ZFPM1: variants seen among roughly 807,000 people sequenced by gnomAD.
ZFPM1 encodes zinc finger protein ZFPM1.
Under a neutral mutation model 46.3 loss-of-function variants are expected in ZFPM1, and 28 were observed. That is an observed-to-expected ratio of 0.60 (90% confidence interval 0.45 to 0.83). The LOEUF (loss-of-function observed/expected upper bound fraction) is 0.83, where lower values mean the gene tolerates loss of function less well. ZFPM1 is among the 40% of genes least tolerant of loss of function. ZFPM1 has a pLI of 0.00. For missense variants in ZFPM1, 1,878 were observed against 1,432.4 expected, an observed-to-expected ratio of 1.31 and a Z score of -5.02; for synonymous variants, 957 against 675.9, an observed-to-expected ratio of 1.42 and a Z score of -6.45.
At chr16:88,461,234 C>CGGGAGGCCTGGTGAGGACCG (rs1907868002) in intron 1 of ZFPM1, among the ~76,000 whole-genome samples, 2 of 42,770 alleles carry the variant, frequency 4.7e-5, no homozygotes, top group Non-Finnish European at 8.3e-5. Flanking sequence ...GGTGAGGACC[C>CGGGAGGCCTGGTGAGGACCG]AGGGGTGGGG....
At chr16:88,501,097 TGCTGGTG>T in intron 3 of ZFPM1, among the ~76,000 whole-genome samples, 2 of 146,608 alleles carry the variant, frequency 1.4e-5, no homozygotes, top group Non-Finnish European at 3.0e-5. Flanking sequence ...CTCCCGCAGG[TGCTGGTG>T]ATGATGGAGA....
rs531280872 is a variant in ZFPM1 at position 88,500,897 on chromosome 16, G to A, written c.268+11744G>A. 1.1e-4 allele frequency among the ~76,000 whole-genome samples: 16 copies of A among 152,366 alleles called. No individual in the cohort carries two copies. The South Asian group carries it at 2.5e-3, about 24-fold the overall frequency. On this transcript the variant is annotated intron_variant, in intron 3 of 9. Coordinates refer to ENST00000319555, the MANE Select transcript of ZFPM1 (RefSeq NM_153813.3). ...GTGCTGGGTCCCTAGACGGCACCTC[G>A]GTGTCCTCACCTGACCGACAGGTAC...
intron 1 of ZFPM1, among the ~76,000 whole-genome samples, chr16:88,465,824 G>A (rs1016964202): frequency 5.3e-5 from 8 of 152,230 alleles, no homozygotes; most frequent in African/African-American, 7.2e-5. Flanking sequence ...TCCGAGATCC[G>A]GCGCTGATGG....
intron 3 of ZFPM1, among the ~76,000 whole-genome samples, chr16:88,500,175 G>A (rs988805048): frequency 3.1e-5 from 3 of 97,076 alleles, no homozygotes; most frequent in Admixed American, 9.4e-5. Flanking sequence ...TTGCCCTACC[G>A]GCCCCTCCCA....
chr16:88,465,896 GCAGC>G (rs1244518912), intron 1 of ZFPM1, among the ~76,000 whole-genome samples: 3 of 152,192 alleles, frequency 2.0e-5, no homozygotes, highest in Non-Finnish European at 4.4e-5. Flanking sequence ...GACAGGTGAA[GCAGC>G]CATAGGGGTG....
intron 1 of ZFPM1, among the ~76,000 whole-genome samples, chr16:88,461,152 A>C (rs1355957913): frequency 2.4e-5 from 1 of 42,514 alleles, no homozygotes; most frequent in African/African-American, 1.3e-4. Context: ...GTGAGGACCG[A>C]GGGGCGGGAG....
intron 1 of ZFPM1, among the ~76,000 whole-genome samples, chr16:88,467,935 C>T (rs562087371): frequency 6.6e-6 from 1 of 152,240 alleles, no homozygotes; most frequent in East Asian, 1.9e-4. Flanking sequence ...CCCCCCTTCC[C>T]CTTATCTCAC....
chr16:88,472,219 C>T (rs1459945446), intron 1 of ZFPM1, among the ~76,000 whole-genome samples: 2 of 144,398 alleles, frequency 1.4e-5, no homozygotes, highest in Non-Finnish European at 2.9e-5. Context: ...GGCAGGTGCC[C>T]ACAGGGTGGG....
intron 3 of ZFPM1, among the ~76,000 whole-genome samples, chr16:88,500,236 C>G (rs1567540528): frequency 6.6e-6 from 1 of 152,228 alleles, no homozygotes; most frequent in Non-Finnish European, 1.5e-5. Flanking sequence ...CCCCTGGAGC[C>G]CCGGCTACTG....
rs144179629 is a variant in ZFPM1 at position 88,493,641 on chromosome 16, G to A, written c.268+4488G>A. Among the ~76,000 whole-genome samples, 174 of 102,492 alleles carry A rather than the reference G, an allele frequency of 1.7e-3. 3 individuals are homozygous for A. Among genetic ancestry groups the A allele is most frequent in the African/African-American group, 4.6e-3 (161 of 34,780 alleles). 67.2% of individuals were successfully genotyped at this position (102,492 alleles called of 152,430 possible). ...GGTACAGAGAGCTGTCCCGGGGTGC[G>A]GTGAGCTGTCCCGGGGTGCGGGGAG... is the stretch of plus-strand genomic sequence containing the variant. On this transcript the variant is annotated intron_variant, in intron 3 of 9. Coordinates refer to ENST00000319555, the MANE Select transcript of ZFPM1 (RefSeq NM_153813.3).
chr16:88,482,723 C>T (rs1909006468), intron 1 of ZFPM1, among the ~76,000 whole-genome samples: 2 of 152,192 alleles, frequency 1.3e-5, no homozygotes, highest in African/African-American at 4.8e-5. Flanking sequence ...TCACTGAGGC[C>T]CTGATGCCCT....
Position 88,533,923 on chromosome 16 carries a change from G to C in ZFPM1, c.1965G>C (p.Glu655Asp). ...EEGAGGAATP[E>D]DGAGGRGSEG... ...GGGCTGGGGGCGCGGCCACGCCCGA[G>C]GACGGCGCGGGCGGCCGGGGCAGCG... The change falls in exon 10 of 10, where the codon GAG becomes GAC. Residue 655 changes from glutamate to aspartate, a missense_variant. Transcript: ENST00000319555. 2 of 1,220,954 alleles carry C rather than the reference G, an allele frequency of 1.6e-6. No individual in the cohort carries two copies. The highest frequency in any genetic ancestry group is 1.0e-6 in the Non-Finnish European group (1 of 960,754). 75.6% of individuals were successfully genotyped at this position (1,220,954 alleles called of 1,614,324 possible). A position where few individuals can be genotyped will look rare whatever the true frequency, so the allele number is the denominator to read the frequency against.
chr16:88,513,494 G>A (rs893620150), intron 3 of ZFPM1, among the ~76,000 whole-genome samples: 1 of 152,258 alleles, frequency 6.6e-6, no homozygotes, highest in African/African-American at 2.4e-5. Flanking sequence ...GCCACGTGAG[G>A]CCTCTGTGGG....
intron 3 of ZFPM1, among the ~76,000 whole-genome samples, chr16:88,509,189 G>A (rs774416123): frequency 1.3e-5 from 2 of 152,244 alleles, no homozygotes; most frequent in Non-Finnish European, 2.9e-5. Flanking sequence ...TCAGCCTGGG[G>A]TTTTTCCTTC....
intron 4 of ZFPM1, among the ~76,000 whole-genome samples, chr16:88,519,755 C>T (rs111172645): frequency 0.037 from 3,684 of 99,842 alleles, 72 homozygotes; most frequent in Middle Eastern, 0.11. Flanking sequence ...AATAGATGGA[C>T]AGATGGATGG....
chr16:88,501,895 C>T (rs992062357), intron 3 of ZFPM1, among the ~76,000 whole-genome samples: 2 of 152,090 alleles, frequency 1.3e-5, no homozygotes, highest in Admixed American at 6.5e-5. Context: ...CGAGGGGGCT[C>T]CTGGGCCGAT....
At chr16:88,531,441 C>T (rs972514622) in intron 6 of ZFPM1, among the ~76,000 whole-genome samples, 1 of 152,172 alleles carries the variant, frequency 6.6e-6, no homozygotes, top group Admixed American at 6.5e-5. Context: ...ATGGAGCCGC[C>T]CAGGTGTGTG....
intron 1 of ZFPM1, 88 bp from the exon 2 acceptor site, chr16:88,485,851 C>CG: frequency 7.8e-7 from 1 of 1,280,918 alleles, no homozygotes; most frequent in Non-Finnish European, 1.1e-6. Flanking sequence ...GCCTGGGCAC[C>CG]GGGGCTGTAC....
At chr16:88,523,498 G>T (rs1021490908) in intron 4 of ZFPM1, among the ~76,000 whole-genome samples, 1 of 152,114 alleles carries the variant, frequency 6.6e-6, no homozygotes, top group African/African-American at 2.4e-5. Flanking sequence ...CAGGGGTCCG[G>T]CCACTTGGCA....
Sources: gnomAD v4.1 joint callset for allele counts (sites outside exome capture counted in the v4.1 genomes callset) on GRCh38, gnomAD v4.1.1 for gene constraint, MANE v1.5 for transcripts, NCBI Gene and HGNC (gene_info 2026-07-23, HGNC 2026-07-21) for gene names.